The following ARHGEF1 variants were observed in gnomAD, a reference collection of about 807,000 sequenced individuals.
The protein encoded by ARHGEF1 is 115 kDa guanine nucleotide exchange factor.
A neutral mutation model predicts 119.7 loss-of-function variants in ARHGEF1; 40 were observed. The observed-to-expected ratio is 0.33, with a 90% CI of 0.26 to 0.44. The LOEUF is 0.44. Ranked by LOEUF, ARHGEF1 falls within the 20% of genes least tolerant of loss-of-function variation. The pLI is 1.00. For missense variants in ARHGEF1, 976 were observed against 1,268.3 expected (o/e 0.77, Z 3.50); for synonymous variants, 494 against 521.0 (o/e 0.95, Z 0.71).
chr19:41,897,619 CTA>C, intron 13 of ARHGEF1: 1 of 270,766 alleles, frequency 3.7e-6, no homozygotes. Flanking sequence ...AGACCCCCCA[CTA>C]CCCCAGTGCC....
At chr19:41,894,135 AGTGTGTGT>A (rs35797687) in intron 8 of ARHGEF1, 64 bp from the exon 9 acceptor site, 113 of 486,074 alleles carry the variant, frequency 2.3e-4, no homozygotes, top group African/African-American at 1.8e-3. Context: ...TGTGTGTGTG[AGTGTGTGT>A]GTGTGTGTGT....
chr19:41,884,573 A>G (rs2074265180), intron 1 of ARHGEF1: 1 of 1,558,104 alleles, frequency 6.4e-7, no homozygotes, highest in African/African-American at 1.3e-5. Context: ...GCACACTGCC[A>G]CGTCCCCCGT....
chr19:41,914,574 C>T (rs113491758), intron 18 of ARHGEF1, among the ~76,000 whole-genome samples: 4,362 of 17,742 alleles, frequency 0.25, 779 homozygotes, highest in Middle Eastern at 0.32. Flanking sequence ...TCTCTGTCTC[C>T]GTCTCTCCCT....
At chr19:41,921,713 G>A (rs908586502), upstream of ARHGEF1, among the ~76,000 whole-genome samples, 7 of 152,062 alleles carry the variant, frequency 4.6e-5, no homozygotes, top group Non-Finnish European at 1.0e-4. This position sits in a 1 kb window ranked among gnomAD's most constrained non-coding sequence, Gnocchi z 4.4. Flanking sequence ...GGATGCAGGC[G>A]AGCCCGGCCC....
In ARHGEF1 at chr19:41,906,746, A is replaced by G. The variant is rs1555850335; in HGVS notation, c.2699A>G (p.Gln900Arg). 6.2e-7 allele frequency: 1 copy of G among 1,611,444 alleles called. No individual in the cohort carries two copies. The highest frequency in any genetic ancestry group is 8.5e-7 in the Non-Finnish European group (1 of 1,178,938). The change falls in exon 28 of 29, where the codon CAG (glutamine) becomes CGG (arginine). Residue 900 changes from glutamine (Q) to arginine (R), a missense_variant. Transcript: ENST00000354532. The surrounding 1 kb of genome is among the most constrained non-coding windows in gnomAD (Gnocchi z 4.5). The stretch of plus-strand genomic sequence containing the variant: ...TGCCGCCTGAGACCCCTCCTGTCTC[A>G]GCTTGGGGGGAACTCTGTCCCCCAG... ...EFCRLRPLLS[Q>R]LGGNSVPQPG...
At chr19:41,899,940 A>G (rs1350339923) in intron 14 of ARHGEF1, among the ~76,000 whole-genome samples, 2 of 150,810 alleles carry the variant, frequency 1.3e-5, no homozygotes, top group East Asian at 1.9e-4. Context: ...AAAAAACATG[A>G]GCCATGTGCT....
intron 13 of ARHGEF1, chr19:41,897,375 T>A: frequency 8.4e-7 from 1 of 1,194,300 alleles, no homozygotes; most frequent in Non-Finnish European, 1.1e-6. Context: ...CTCCCCCATT[T>A]CTCCCAGCCC....
Position 41,903,500 on chromosome 19 carries a change from C to A in ARHGEF1, c.1839+93C>A. The A allele has an allele frequency of 7.7e-7, 1 of 1,296,670 alleles. No individual in the cohort carries two copies. Among genetic ancestry groups the A allele is most frequent in the South Asian group, 1.3e-5 (1 of 79,538 alleles). 80.3% of individuals were successfully genotyped at this position (1,296,670 alleles called of 1,614,324 possible). On this transcript the variant is annotated intron_variant, in intron 19 of 28. Transcript: ENST00000354532. The surrounding 1 kb of genome is among the most constrained non-coding windows in gnomAD (Gnocchi z 4.2). ...AGCCTGTCCAGAAGTCACACCCCAC[C>A]CCTTGGCTTGTCTCCCTCAAGGGTC...
downstream of ARHGEF1, chr19:41,907,492 GTCTGGAAC>G: frequency 1.5e-6 from 2 of 1,311,324 alleles, no homozygotes; most frequent in Non-Finnish European, 2.1e-6. Context: ...CTGGCATGGC[GTCTGGAAC>G]TCTCTGTGAC....
At chr19:41,896,696 C>G in intron 13 of ARHGEF1, 1 of 695,194 alleles carries the variant, frequency 1.4e-6, no homozygotes, top group Non-Finnish European at 2.6e-6. Context: ...TTTTATCCTT[C>G]CTTTTTCCTC....
At chr19:41,891,890 T>G in intron 4 of ARHGEF1, 135 bp from the exon 5 acceptor site, 1 of 670,174 alleles carries the variant, frequency 1.5e-6, no homozygotes, top group Non-Finnish European at 2.4e-6. Context: ...GGTCAGGGAG[T>G]GCTTCCCAGA....
chr19:41,910,049 G>A (rs1370319895), downstream of ARHGEF1: 1 of 1,613,486 alleles, frequency 6.2e-7, no homozygotes, highest in Non-Finnish European at 8.5e-7. This position sits in a 1 kb window ranked among gnomAD's most constrained non-coding sequence, Gnocchi z 4.4. Flanking sequence ...GATCTGCCTC[G>A]AGCCAGGGGA....
At chr19:41,894,718 ACCTGGACG>A (rs1426035517) in intron 11 of ARHGEF1, 57 bp downstream of exon 11, 3 of 1,595,852 alleles carry the variant, frequency 1.9e-6, no homozygotes, top group Non-Finnish European at 2.6e-6. Context: ...AGAGGCTAGG[ACCTGGACG>A]CCTGGGTCTG....
downstream of ARHGEF1, chr19:41,909,928 G>A (rs567628203): frequency 1.9e-6 from 3 of 1,613,838 alleles, no homozygotes; most frequent in South Asian, 3.3e-5. The surrounding 1 kb of genome is among the most constrained non-coding windows in gnomAD (Gnocchi z 5.2). Context: ...CCCACAGCCG[G>A]GCCACCTCAT....
Position 41,892,708 on chromosome 19 carries a change from G to A in ARHGEF1, c.473G>A (p.Arg158His), listed in dbSNP as rs1555846517. The A allele has an allele frequency of 6.2e-6, 10 of 1,613,272 alleles. No homozygotes were observed. The highest frequency in any genetic ancestry group is 5.3e-5 in the African/African-American group (4 of 74,940). The change falls in exon 7 of 29, where the codon CGT becomes CAT. Residue 158 changes from arginine (R) to histidine (H), a missense_variant. Coordinates refer to ENST00000354532, the MANE Select transcript of ARHGEF1 (RefSeq NM_004706.4). This position sits in a 1 kb window ranked among gnomAD's most constrained non-coding sequence, Gnocchi z 6.3. ...GTGGGCCGGCAGCTGGAGGACTTCC[G>A]TTCCAAGCGGCTCATGGGCATGACG... is the stretch of plus-strand genomic sequence containing the variant. Reference protein sequence around the residue: ...VAVGRQLEDFRSKRLMGMTPW... With the variant: ...VAVGRQLEDFHSKRLMGMTPW...
chr19:41,897,348 G>A (rs925593616), intron 13 of ARHGEF1: 5 of 1,255,840 alleles, frequency 4.0e-6, no homozygotes, highest in Non-Finnish European at 5.2e-6. Context: ...GGCCCTGGGT[G>A]GGGGAAGGGC....
chr19:41,907,307 T>A lies in ARHGEF1; in HGVS notation c.*220T>A. The A allele has an allele frequency of 6.5e-7, 1 of 1,533,124 alleles. No individual in the cohort carries two copies. The highest frequency in any genetic ancestry group is 1.4e-5 in the African/African-American group (1 of 72,964). The allele number at this position is 1,533,124 out of a possible 1,614,324, so 95.0% of individuals were successfully genotyped here. A position where few individuals can be genotyped will look rare whatever the true frequency, so the allele number is the denominator to read the frequency against. On this transcript the variant is annotated 3_prime_UTR_variant, in exon 29 of 29. Coordinates refer to ENST00000354532, the MANE Select transcript of ARHGEF1 (RefSeq NM_004706.4). ...GCCCTCTGCTTGGGGGACTCAGGGCTCCATTCTGGAGGGCACCACGGTGAC... is the reference window on the plus strand; with the variant it reads ...GCCCTCTGCTTGGGGGACTCAGGGCACCATTCTGGAGGGCACCACGGTGAC...
chr19:41,922,318 AAAGGGACAGAAAGCAGGAGATC>A (rs2145907206), upstream of ARHGEF1, among the ~76,000 whole-genome samples: 1 of 152,278 alleles, frequency 6.6e-6, no homozygotes, highest in South Asian at 2.1e-4. Flanking sequence ...ATAGCAGATC[AAAGGGACAGAAAGCAGGAGATC>A]AAGGGACAGA....
At position 41,905,689 on chromosome 19, in the gene ARHGEF1, T is replaced by G; in HGVS notation, c.2337-71T>G. The G allele has an allele frequency of 1.3e-6, 2 of 1,536,324 alleles. No homozygotes were observed. Among genetic ancestry groups the G allele is most frequent in the Non-Finnish European group, 1.8e-6 (2 of 1,117,940 alleles). ...ACCTCCCTGCCTCCCCACCTCCAGC[T>G]CTCTGTCTCCCTGCCCCTGCGGCCC... is the stretch of plus-strand genomic sequence containing the variant. On this transcript the variant is annotated intron_variant, in intron 24 of 28. Transcript: ENST00000354532. This position sits in a 1 kb window ranked among gnomAD's most constrained non-coding sequence, Gnocchi z 6.4.
Sources: allele counts gnomAD v4.1 joint callset (sites outside exome capture counted in the v4.1 genomes callset), GRCh38; gene constraint gnomAD v4.1.1; non-coding constraint Gnocchi (gnomAD v3.1); transcripts MANE v1.5; gene names NCBI Gene and HGNC (gene_info 2026-07-23, HGNC 2026-07-21).